The following GNG7 variants were observed in gnomAD, a reference collection of about 807,000 sequenced individuals.
GNG7 encodes the protein G protein subunit gamma 7, also known as guanine nucleotide-binding protein G(I)/G(S)/G(O) subunit gamma-7.
A neutral mutation model predicts 4.0 loss-of-function variants in GNG7; 1 was observed. The observed-to-expected ratio is 0.25, with a 90% CI of 0.09 to 1.18. The LOEUF (loss-of-function observed/expected upper bound fraction) is 1.18, where lower values mean the gene tolerates loss of function less well. Among genes scored for constraint, GNG7 ranks in the 50% most tolerant of loss-of-function variants. The pLI is 0.50. For synonymous variants in GNG7, 34 were observed against 36.9 expected (o/e 0.92, Z 0.29); for missense variants, 86 against 91.9 (o/e 0.94, Z 0.26).
chr19:2,693,622 G>A (rs1339572986), intron 1 of GNG7, among the ~76,000 whole-genome samples: 1 of 151,966 alleles, frequency 6.6e-6, no homozygotes, highest in Non-Finnish European at 1.5e-5. Context: ...TATTCTCTGG[G>A]GTGCGGCCAT....
chr19:2,525,555 G>C (rs1223631374), intron 3 of GNG7, among the ~76,000 whole-genome samples: 1 of 152,076 alleles, frequency 6.6e-6, no homozygotes, highest in Non-Finnish European at 1.5e-5. Context: ...CCCCGAAACA[G>C]AGCAGACCTG....
At position 2,548,349 on chromosome 19, in the gene GNG7, C is replaced by T. The variant is rs930866120; in HGVS notation, c.-38+6800G>A. 5.3e-5 allele frequency among the ~76,000 whole-genome samples: 8 copies of T among 151,346 alleles called. No individual in the cohort carries two copies. The East Asian group carries it at 5.8e-4, about 11-fold the overall frequency. On this transcript the variant is annotated intron_variant, in intron 3 of 4. Transcript: ENST00000382159. ...AAAAGAAATTTGCTGGGTGTGGTGG[C>T]GGGCGCCTGTAATCCCAGCTACTCG...
In GNG7 at chr19:2,684,859, C is replaced by A. The variant is rs543058257; in HGVS notation, c.-135+17787G>T. ...CAAAAATTGGACGGGCGCAGTGGCTCACGCCTGTAATCCCAACACTCTGGG... is the reference window on the plus strand; with the variant it reads ...CAAAAATTGGACGGGCGCAGTGGCTAACGCCTGTAATCCCAACACTCTGGG... On this transcript the variant is annotated intron_variant, in intron 1 of 4. Transcript: ENST00000382159. 2.0e-5 allele frequency among the ~76,000 whole-genome samples: 3 copies of A among 152,310 alleles called. No homozygotes were observed. The East Asian group carries it at 5.8e-4, about 29-fold the overall frequency.
At chr19:2,572,517 T>C (rs1980179145) in intron 2 of GNG7, among the ~76,000 whole-genome samples, 1 of 151,758 alleles carries the variant, frequency 6.6e-6, no homozygotes, top group Non-Finnish European at 1.5e-5. Context: ...CTGCAACCTC[T>C]GCCTCCCCGG....
chr19:2,685,560 G>C (rs986856923), intron 1 of GNG7, among the ~76,000 whole-genome samples: 1 of 152,150 alleles, frequency 6.6e-6, no homozygotes, highest in African/African-American at 2.4e-5. Flanking sequence ...AGGAGGCAGA[G>C]GCTGCAGGGA....
Position 2,568,980 on chromosome 19 carries a change from T to C in GNG7, c.-77-13792A>G, listed in dbSNP as rs1289894396. Among the ~76,000 whole-genome samples, 6 of 126,284 alleles carry C rather than the reference T, an allele frequency of 4.8e-5. No individual in the cohort carries two copies. The Admixed American group carries it at 5.0e-4, about 10-fold the overall frequency. 82.8% of individuals were successfully genotyped at this position (126,284 alleles called of 152,430 possible). A position where few individuals can be genotyped will look rare whatever the true frequency, so the allele number is the denominator to read the frequency against. On this transcript the variant is annotated intron_variant, in intron 2 of 4. Transcript: ENST00000382159. ...GCATACAGATCTGTGCACAAAAACA[T>C]ACACATACACATATTTACACACATA... is the stretch of plus-strand genomic sequence containing the variant.
chr19:2,696,106 G>A lies in GNG7; in HGVS notation c.-135+6540C>T, dbSNP rs575416676. Among the ~76,000 whole-genome samples, 262 of 150,764 alleles carry A rather than the reference G, an allele frequency of 1.7e-3. 1 individual carries two copies. The highest frequency in any genetic ancestry group is 3.0e-3 in the Non-Finnish European group (204 of 67,802). On this transcript the variant is annotated intron_variant, in intron 1 of 4. Transcript: ENST00000382159. Reference sequence around the variant, plus strand: ...TGGGAGGTGGAGGTTGCAGTGAGCCGAGATTGCACCACTGCACTCCAGCCC... The same window carrying A: ...TGGGAGGTGGAGGTTGCAGTGAGCCAAGATTGCACCACTGCACTCCAGCCC...
At chr19:2,623,059 T>C (rs1981925977) in intron 2 of GNG7, among the ~76,000 whole-genome samples, 1 of 152,240 alleles carries the variant, frequency 6.6e-6, no homozygotes, top group South Asian at 2.1e-4. Flanking sequence ...AGCTCTTCTG[T>C]GTCCCAGGAG....
rs550075569 is a variant in GNG7, at chr19:2,629,624, G to A, written c.-78+16600C>T. Among the ~76,000 whole-genome samples, 7 of 152,306 alleles carry A rather than the reference G, an allele frequency of 4.6e-5. No homozygotes were observed. In the South Asian group the frequency reaches 1.4e-3, roughly 32 times the overall value. The stretch of plus-strand genomic sequence containing the variant: ...AGACCTCACAGACTCACAGACTAGT[G>A]GGAGAAGACAGAAGAGCGTAGCCCT... On this transcript the variant is annotated intron_variant, in intron 2 of 4. Transcript: ENST00000382159.
intron 3 of GNG7, among the ~76,000 whole-genome samples, chr19:2,550,260 G>C (rs192430371): frequency 6.6e-6 from 1 of 152,046 alleles, no homozygotes; most frequent in Admixed American, 6.6e-5. Context: ...CTCTGTCGCC[G>C]AGGCTGGAGT....
At chr19:2,565,473 T>C (rs547455034) in intron 2 of GNG7, among the ~76,000 whole-genome samples, 26 of 149,548 alleles carry the variant, frequency 1.7e-4, no homozygotes, top group Non-Finnish European at 2.8e-4. Flanking sequence ...GATCGTGCCA[T>C]TGCACTCCAG....
Position 2,530,449 on chromosome 19 carries a change from G to A in GNG7, c.-37-9724C>T, listed in dbSNP as rs189014354. ...AAAAAAGCTGGACAGGGCTGGGTGC[G>A]GTGGCTCAAGCCTGTAATCCCAGCA... On this transcript the variant is annotated intron_variant, in intron 3 of 4. Coordinates refer to ENST00000382159, the MANE Select transcript of GNG7 (RefSeq NM_052847.3). Among the ~76,000 whole-genome samples the A allele has an allele frequency of 1.6e-3, 242 of 146,968 alleles. 1 individual carries two copies. The highest frequency in any genetic ancestry group is 4.9e-3 in the African/African-American group (194 of 39,552).
At chr19:2,588,512 G>T (rs371409088) in intron 2 of GNG7, among the ~76,000 whole-genome samples, 10 of 152,216 alleles carry the variant, frequency 6.6e-5, no homozygotes, top group Non-Finnish European at 1.2e-4. Context: ...CCGTTCCCCC[G>T]GCTGGGAAAA....
chr19:2,681,437 C>T (rs963536987), intron 1 of GNG7, among the ~76,000 whole-genome samples: 5 of 152,128 alleles, frequency 3.3e-5, no homozygotes, highest in Non-Finnish European at 5.9e-5. Flanking sequence ...CCCGCCTCGG[C>T]CTCCCAAAGT....
At chr19:2,561,649 G>A (rs1298209170) in intron 2 of GNG7, among the ~76,000 whole-genome samples, 1 of 151,748 alleles carries the variant, frequency 6.6e-6, no homozygotes, top group Non-Finnish European at 1.5e-5. Flanking sequence ...AGGCCGAGGC[G>A]GGTGGATCAC....
Position 2,533,463 on chromosome 19 carries a change from C to T in GNG7, c.-37-12738G>A, listed in dbSNP as rs974903390. ...ACTTCTAGGGTGATGGCGATGTTCT[C>T]TATGTTGGTTGAGCTGTTGGTGTAC... On this transcript the variant is annotated intron_variant, in intron 3 of 4. Transcript: ENST00000382159. Among the ~76,000 whole-genome samples, 4 of 152,116 alleles carry T rather than the reference C, an allele frequency of 2.6e-5. 1 individual carries two copies. The highest frequency in any genetic ancestry group is 2.6e-4 in the Admixed American group (4 of 15,240).
At chr19:2,530,125 G>A (rs1006902948) in intron 3 of GNG7, among the ~76,000 whole-genome samples, 2 of 152,214 alleles carry the variant, frequency 1.3e-5, no homozygotes, top group African/African-American at 4.8e-5. Flanking sequence ...TAGAAAAGCT[G>A]GACAGGGCCG....
chr19:2,588,011 T>C (rs1980728923), intron 2 of GNG7, among the ~76,000 whole-genome samples: 1 of 152,042 alleles, frequency 6.6e-6, no homozygotes, highest in South Asian at 2.1e-4. Context: ...GTATTGTTAT[T>C]GCAAATTCAA....
At chr19:2,565,040 G>A (rs895452507) in intron 2 of GNG7, among the ~76,000 whole-genome samples, 1 of 152,090 alleles carries the variant, frequency 6.6e-6, no homozygotes, top group African/African-American at 2.4e-5. Context: ...GGAATGAAAT[G>A]AAATAAATAC....
Sources: allele counts gnomAD v4.1 joint callset (sites outside exome capture counted in the v4.1 genomes callset), GRCh38; gene constraint gnomAD v4.1.1; transcripts MANE v1.5; gene names NCBI Gene and HGNC (gene_info 2026-07-23, HGNC 2026-07-21).